SPECC1L: variants seen among roughly 807,000 people sequenced by gnomAD.
The protein encoded by SPECC1L is sperm antigen with calponin homology and coiled-coil domains 1 like.
A neutral mutation model predicts 116.8 loss-of-function variants in SPECC1L; 40 were observed. The observed-to-expected ratio is 0.34, with a 90% CI of 0.27 to 0.45. SPECC1L has a LOEUF of 0.45. SPECC1L is among the 20% of genes least tolerant of loss of function. SPECC1L has a pLI of 1.00. For synonymous variants in SPECC1L, 504 were observed against 500.6 expected (o/e 1.01, Z -0.09); for missense variants, 1,110 against 1,373.6 (o/e 0.81, Z 3.03).
At chr22:24,360,550 A>G (rs1371824672) in intron 11 of SPECC1L, among the ~76,000 whole-genome samples, 2 of 152,026 alleles carry the variant, frequency 1.3e-5, no homozygotes, top group Non-Finnish European at 2.9e-5. Flanking sequence ...AATACATTTC[A>G]TGAACTTTTT....
chr22:24,316,038 A>G (rs2146451121), intron 4 of SPECC1L, among the ~76,000 whole-genome samples: 1 of 152,314 alleles, frequency 6.6e-6, no homozygotes, highest in East Asian at 1.9e-4. Context: ...TTTTGGGGTT[A>G]GGGCTTCAAC....
intron 1 of SPECC1L, among the ~76,000 whole-genome samples, chr22:24,275,093 T>TC (rs1385943393): frequency 3.9e-5 from 6 of 152,264 alleles, no homozygotes; most frequent in South Asian, 2.1e-4. Flanking sequence ...CTGGAAGGCT[T>TC]CCCTAGTCCT....
intron 11 of SPECC1L, among the ~76,000 whole-genome samples, chr22:24,355,395 G>A (rs2041510739): frequency 6.6e-6 from 1 of 151,242 alleles, no homozygotes; most frequent in African/African-American, 2.4e-5. Flanking sequence ...GAAATTGTAT[G>A]TATATGTACC....
intron 2 of SPECC1L, among the ~76,000 whole-genome samples, chr22:24,288,814 C>T (rs966236572): frequency 6.6e-6 from 1 of 151,690 alleles, no homozygotes; most frequent in Non-Finnish European, 1.5e-5. Context: ...TTAGTAGAGA[C>T]GGGTTTTCAC....
At chr22:24,323,266 G>A (rs1180523012) in intron 5 of SPECC1L, among the ~76,000 whole-genome samples, 1 of 152,220 alleles carries the variant, frequency 6.6e-6, no homozygotes, top group East Asian at 1.9e-4. Context: ...CTGTTTTGGT[G>A]TAATAGGTGG....
In SPECC1L at chr22:24,415,407, G is replaced by C. The variant is rs2042783603; in HGVS notation, c.*784G>C. ...CTGGCTTTAGATTTCTTCATCATAA[G>C]GAGTTTTTCTAGTTAACATTTTTGT... On this transcript the variant is annotated 3_prime_UTR_variant, in exon 17 of 17. Coordinates refer to ENST00000314328, the MANE Select transcript of SPECC1L (RefSeq NM_015330.6). 6.5e-6 allele frequency: 1 copy of C among 152,716 alleles called. No homozygotes were observed. Among genetic ancestry groups the C allele is most frequent in the South Asian group, 2.1e-4 (1 of 4,836 alleles). The allele number at this position is 152,716 out of a possible 1,614,324, so 9.5% of individuals were successfully genotyped here.
At chr22:24,319,725 T>C (rs2040681563) in intron 4 of SPECC1L, among the ~76,000 whole-genome samples, 1 of 152,196 alleles carries the variant, frequency 6.6e-6, no homozygotes, top group Non-Finnish European at 1.5e-5. Flanking sequence ...TCTGTCTTTT[T>C]GCCAGCCTGA....
chr22:24,370,394 C>T (rs1331655206), intron 14 of SPECC1L, among the ~76,000 whole-genome samples: 1 of 151,838 alleles, frequency 6.6e-6, no homozygotes, highest in Non-Finnish European at 1.5e-5. Flanking sequence ...AATCTCCATG[C>T]CAGCTTCCAC....
rs1440068952 is a variant in SPECC1L, at chr22:24,309,712, T to G, written c.154-3601T>G. Among the ~76,000 whole-genome samples, 5 of 152,328 alleles carry G rather than the reference T, an allele frequency of 3.3e-5. No homozygotes were observed. The East Asian group carries it at 9.6e-4, about 29-fold the overall frequency. On this transcript the variant is annotated intron_variant, in intron 3 of 16. Coordinates refer to ENST00000314328, the MANE Select transcript of SPECC1L (RefSeq NM_015330.6). ...CTGCAACCGGCCTGAAGTTCAATATTTGCATACTTTTGTCTTTGGCTTGAG... is the reference window on the plus strand; with the variant it reads ...CTGCAACCGGCCTGAAGTTCAATATGTGCATACTTTTGTCTTTGGCTTGAG...
chr22:24,411,476 G>T, intron 14 of SPECC1L, 112 bp from the exon 15 acceptor site: 1 of 949,054 alleles, frequency 1.1e-6, no homozygotes, highest in Non-Finnish European at 1.7e-6. Context: ...CCCTGGTTTT[G>T]GTTTTGTGTT....
At chr22:24,336,254 T>C (rs2041051868) in intron 9 of SPECC1L, among the ~76,000 whole-genome samples, 1 of 151,864 alleles carries the variant, frequency 6.6e-6, no homozygotes, top group Non-Finnish European at 1.5e-5. Flanking sequence ...CCAGTACATA[T>C]ATATATATAT....
intron 11 of SPECC1L, among the ~76,000 whole-genome samples, chr22:24,357,146 A>G (rs797012642): frequency 1.3e-5 from 2 of 152,202 alleles, no homozygotes; most frequent in South Asian, 2.1e-4. Flanking sequence ...GGAAGCTATA[A>G]GAGAAAATCA....
At chr22:24,285,568 A>G (rs2049024933) in intron 2 of SPECC1L, among the ~76,000 whole-genome samples, 1 of 152,070 alleles carries the variant, frequency 6.6e-6, no homozygotes, top group Non-Finnish European at 1.5e-5. Context: ...CTATTCAAAG[A>G]GCTGCCTTCT....
intron 13 of SPECC1L, among the ~76,000 whole-genome samples, chr22:24,366,816 G>A (rs1351362675): frequency 6.6e-6 from 1 of 152,098 alleles, no homozygotes; most frequent in Non-Finnish European, 1.5e-5. Flanking sequence ...GAGGTATTAA[G>A]AACTTGGGGG....
chr22:24,369,866 AATTCTCC>A (rs1897271045), intron 14 of SPECC1L, among the ~76,000 whole-genome samples: 1 of 152,234 alleles, frequency 6.6e-6, no homozygotes, highest in Admixed American at 6.5e-5. Context: ...AGCAGACTCT[AATTCTCC>A]ATACAAAAGG....
At chr22:24,301,224 A>G (rs938280909) in intron 2 of SPECC1L, among the ~76,000 whole-genome samples, 5 of 152,198 alleles carry the variant, frequency 3.3e-5, no homozygotes, top group Admixed American at 6.5e-5. Flanking sequence ...CCATCTAACA[A>G]AGGTCTAATA....
intron 14 of SPECC1L, among the ~76,000 whole-genome samples, chr22:24,400,394 C>T (rs184554384): frequency 1.3e-5 from 2 of 152,318 alleles, no homozygotes; most frequent in African/African-American, 2.4e-5. Flanking sequence ...GGCGTATATT[C>T]GTACTTTGTT....
intron 14 of SPECC1L, among the ~76,000 whole-genome samples, chr22:24,406,631 C>T (rs2042596557): frequency 6.6e-6 from 1 of 152,136 alleles, no homozygotes; most frequent in Admixed American, 6.5e-5. Flanking sequence ...CTGGTCACAC[C>T]TGCAGAGCAA....
At chr22:24,319,741 G>T (rs1397808910) in intron 4 of SPECC1L, among the ~76,000 whole-genome samples, 2 of 152,012 alleles carry the variant, frequency 1.3e-5, no homozygotes, top group South Asian at 4.1e-4. Flanking sequence ...CCTGAATTCC[G>T]CATCCTCCTG....
Sources: allele counts gnomAD v4.1 joint callset (sites outside exome capture counted in the v4.1 genomes callset), GRCh38; gene constraint gnomAD v4.1.1; transcripts MANE v1.5; gene names NCBI Gene and HGNC (gene_info 2026-07-23, HGNC 2026-07-21).